Variants in LMBR1 observed in about 807,000 individuals in gnomAD.
LMBR1 encodes the protein limb region 1 protein homolog.
In LMBR1, 52 loss-of-function variants were observed where a neutral mutation model predicts 73.9. That is an observed-to-expected ratio of 0.70 (90% confidence interval 0.56 to 0.89). The LOEUF is 0.89. Among genes scored for constraint, LMBR1 ranks in the 40% least tolerant of loss-of-function variants. LMBR1 has a pLI of 0.00. For missense variants in LMBR1, 539 were observed against 579.8 expected, an observed-to-expected ratio of 0.93 and a Z score of 0.72; for synonymous variants, 215 against 209.4, an observed-to-expected ratio of 1.03 and a Z score of -0.23.
chr7:156,790,338 A>G (rs540678045), intron 5 of LMBR1, among the ~76,000 whole-genome samples: 4 of 152,170 alleles, frequency 2.6e-5, no homozygotes, highest in African/African-American at 9.7e-5. Flanking sequence ...TGAGGCTACT[A>G]AATCCCTCAG....
At chr7:156,807,815 T>C (rs1832411082) in intron 4 of LMBR1, among the ~76,000 whole-genome samples, 1 of 152,212 alleles carries the variant, frequency 6.6e-6, no homozygotes. Context: ...ATGTTTTATT[T>C]TCATTTCATT....
At chr7:156,871,670 A>G (rs116975245) in intron 1 of LMBR1, among the ~76,000 whole-genome samples, 3,998 of 152,366 alleles carry the variant, frequency 0.026, 80 homozygotes, top group Non-Finnish European at 0.043. Context: ...GTACACCACA[A>G]TAACAAAATA....
chr7:156,802,501 G>A (rs1226757815), intron 4 of LMBR1, among the ~76,000 whole-genome samples: 4 of 152,112 alleles, frequency 2.6e-5, no homozygotes, highest in Non-Finnish European at 4.4e-5. Context: ...CAGGAAAAAG[G>A]TCACAGGCTG....
At chr7:156,868,196 T>C (rs1798745141) in intron 1 of LMBR1, among the ~76,000 whole-genome samples, 1 of 132,286 alleles carries the variant, frequency 7.6e-6, no homozygotes. Flanking sequence ...GGAGATTTTC[T>C]TTTTTTTTTT....
chr7:156,708,593 A>C (rs1327074316), intron 15 of LMBR1, among the ~76,000 whole-genome samples: 1 of 150,956 alleles, frequency 6.6e-6, no homozygotes, highest in Non-Finnish European at 1.5e-5. Context: ...GGATGAAAGA[A>C]GCTTCCAACT....
At chr7:156,802,811 C>G (rs1831246075) in intron 4 of LMBR1, among the ~76,000 whole-genome samples, 1 of 152,082 alleles carries the variant, frequency 6.6e-6, no homozygotes, top group Non-Finnish European at 1.5e-5. Flanking sequence ...CAGCCACTGA[C>G]TCTGCACTTT....
At chr7:156,846,783 T>C (rs1252817630) in intron 1 of LMBR1, among the ~76,000 whole-genome samples, 1 of 152,146 alleles carries the variant, frequency 6.6e-6, no homozygotes, top group Non-Finnish European at 1.5e-5. Flanking sequence ...AGGGTGGCTA[T>C]AGCTAATAAC....
At chr7:156,676,227 AAC>A, downstream of LMBR1, 1 of 1,503,494 alleles carries the variant, frequency 6.7e-7, no homozygotes, top group African/African-American at 1.5e-5. Flanking sequence ...TCCCAGGAGT[AAC>A]AGAGTATATG....
intron 1 of LMBR1, among the ~76,000 whole-genome samples, chr7:156,882,551 G>A (rs1801256983): frequency 6.6e-6 from 1 of 152,164 alleles, no homozygotes; most frequent in Admixed American, 6.5e-5. Flanking sequence ...ACTTATATAA[G>A]GTATCTAAAA....
chr7:156,795,802 C>T (rs1323195541), intron 5 of LMBR1, among the ~76,000 whole-genome samples: 1 of 152,172 alleles, frequency 6.6e-6, no homozygotes, highest in Non-Finnish European at 1.5e-5. Flanking sequence ...ACCCTCCTGC[C>T]GCAGCCTCCC....
intron 10 of LMBR1, among the ~76,000 whole-genome samples, chr7:156,730,532 G>A (rs59099006): frequency 0.012 from 1,860 of 152,270 alleles, 40 homozygotes; most frequent in African/African-American, 0.042. Context: ...CGTCCCTACC[G>A]TAACTGTCTA....
intron 1 of LMBR1, among the ~76,000 whole-genome samples, chr7:156,867,402 T>TCCA (rs548176948): frequency 6.6e-5 from 10 of 152,200 alleles, no homozygotes; most frequent in Non-Finnish European, 1.0e-4. Flanking sequence ...ACGCAGCATG[T>TCCA]CCACCCCTAG....
At chr7:156,769,372 C>CAAAG (rs1824752560) in intron 5 of LMBR1, among the ~76,000 whole-genome samples, 1 of 152,126 alleles carries the variant, frequency 6.6e-6, no homozygotes. Context: ...GAACGACAGC[C>CAAAG]AAAGCACCAT....
At chr7:156,707,814 G>C (rs997685254) in intron 15 of LMBR1, among the ~76,000 whole-genome samples, 2 of 152,126 alleles carry the variant, frequency 1.3e-5, no homozygotes, top group Non-Finnish European at 2.9e-5. Context: ...CTATTCAACA[G>C]AGTACTGACA....
At chr7:156,738,040 T>C (rs781382219) in intron 9 of LMBR1, among the ~76,000 whole-genome samples, 3 of 152,160 alleles carry the variant, frequency 2.0e-5, no homozygotes, top group Non-Finnish European at 2.9e-5. Flanking sequence ...TCACAGTACC[T>C]GGTTTTAACT....
intron 4 of LMBR1, among the ~76,000 whole-genome samples, chr7:156,808,373 G>T (rs890225586): frequency 1.3e-5 from 2 of 151,946 alleles, no homozygotes; most frequent in African/African-American, 4.8e-5. Context: ...AATATTCTTT[G>T]CCCTTGTCTG....
rs149494960 is a variant in LMBR1, at chr7:156,765,725, C to G, written c.424-1930G>C. Among the ~76,000 whole-genome samples the G allele has an allele frequency of 2.8e-3, 421 of 152,248 alleles. 2 individuals are homozygous for G. Among genetic ancestry groups the G allele is most frequent in the Middle Eastern group, 0.01 (3 of 294 alleles). ...TCTTGCACGTTTATGCAGATTTGTT[C>G]TAGCGTTTGTGTTACACTCTCTCAA... is the stretch of plus-strand genomic sequence containing the variant. On this transcript the variant is annotated intron_variant, in intron 5 of 16. Transcript: ENST00000353442.
chr7:156,798,999 C>T (rs1830493020), intron 4 of LMBR1, among the ~76,000 whole-genome samples: 2 of 151,098 alleles, frequency 1.3e-5, no homozygotes, highest in Non-Finnish European at 2.9e-5. Context: ...CGAGACCAGC[C>T]TGGCCAGCAT....
chr7:156,821,240 C>G (rs1042480718), intron 4 of LMBR1, among the ~76,000 whole-genome samples: 3 of 152,218 alleles, frequency 2.0e-5, no homozygotes, highest in Admixed American at 1.3e-4. Context: ...GCCGCCAATG[C>G]CGACGGTCCC....
Sources: allele counts gnomAD v4.1 joint callset (sites outside exome capture counted in the v4.1 genomes callset), GRCh38; gene constraint gnomAD v4.1.1; transcripts MANE v1.5; gene names NCBI Gene and HGNC (gene_info 2026-07-23, HGNC 2026-07-21).